The following SVIL variants were observed in gnomAD, a reference collection of about 807,000 sequenced individuals.
SVIL encodes the protein supervillin.
In SVIL, 101 loss-of-function variants were observed where a neutral mutation model predicts 240.4. The observed-to-expected ratio is 0.42, with a 90% CI of 0.36 to 0.50. SVIL has a LOEUF of 0.50. Among genes scored for constraint, SVIL ranks in the 20% least tolerant of loss-of-function variants. The pLI, the probability that SVIL is intolerant of heterozygous loss-of-function variation, is 0.01. For missense variants in SVIL, 2,512 were observed against 2,818.7 expected (o/e 0.89, Z 2.46); for synonymous variants, 999 against 1,100.0 (o/e 0.91, Z 1.82).
chr10:29,540,490 G>A (rs1589168414), intron 6 of SVIL, among the ~76,000 whole-genome samples: 1 of 152,286 alleles, frequency 6.6e-6, no homozygotes, highest in Middle Eastern at 3.4e-3. Context: ...GAGGTGCAAG[G>A]GAAAAAGGAC....
At chr10:29,470,514 T>C (rs1945443704) in intron 31 of SVIL, 31 bp from the exon 32 acceptor site, 1 of 1,612,480 alleles carries the variant, frequency 6.2e-7, no homozygotes, top group African/African-American at 1.3e-5. Flanking sequence ...GCGGAGGAGT[T>C]AGCACGTGAG....
At chr10:29,688,329 G>A (rs1033964869) in intron 1 of SVIL, among the ~76,000 whole-genome samples, 2 of 152,196 alleles carry the variant, frequency 1.3e-5, no homozygotes, top group African/African-American at 4.8e-5. Flanking sequence ...AACGTCAGAA[G>A]CCAAAGGTCA....
At chr10:29,506,703 C>A (rs61849286) in intron 17 of SVIL, among the ~76,000 whole-genome samples, 22,653 of 103,434 alleles carry the variant, frequency 0.22, 1,333 homozygotes, top group African/African-American at 0.25. Context: ...AGAGGCCCTA[C>A]GAGGGAGGGG....
At chr10:29,500,727 A>G (rs1174559550) in intron 17 of SVIL, among the ~76,000 whole-genome samples, 4 of 152,254 alleles carry the variant, frequency 2.6e-5, no homozygotes, top group African/African-American at 9.6e-5. Context: ...CCATGGATCA[A>G]TGTGATCCTA....
chr10:29,604,349 G>A (rs1363145332), intron 1 of SVIL, among the ~76,000 whole-genome samples: 1 of 132,026 alleles, frequency 7.6e-6, no homozygotes, highest in Non-Finnish European at 1.6e-5. Context: ...ACAGGCATGT[G>A]CCACCATGTC....
intron 36 of SVIL, 136 bp downstream of exon 36, chr10:29,462,141 G>T: frequency 1.7e-6 from 2 of 1,147,300 alleles, no homozygotes; most frequent in Non-Finnish European, 2.4e-6. Context: ...ATTCTATGTA[G>T]GTTTGTTAAG....
At chr10:29,496,356 A>C (rs1459764380) in intron 18 of SVIL, 1 of 453,402 alleles carries the variant, frequency 2.2e-6, no homozygotes, top group Non-Finnish European at 4.4e-6. Context: ...ATGATAAATA[A>C]AATCTGGTAT....
At chr10:29,520,556 A>C (rs752069474) in intron 16 of SVIL, among the ~76,000 whole-genome samples, 2 of 152,238 alleles carry the variant, frequency 1.3e-5, no homozygotes, top group Non-Finnish European at 2.9e-5. Flanking sequence ...TTAATTTGTC[A>C]GTTGAAAAAG....
intron 3 of SVIL, among the ~76,000 whole-genome samples, chr10:29,650,549 T>C (rs1589452245): frequency 1.3e-5 from 2 of 152,298 alleles, no homozygotes; most frequent in East Asian, 3.9e-4. Context: ...TTACCATAAA[T>C]ATGGTTGTAT....
chr10:29,642,307 G>T (rs554989452), intron 3 of SVIL, among the ~76,000 whole-genome samples: 1 of 151,962 alleles, frequency 6.6e-6, no homozygotes, highest in Non-Finnish European at 1.5e-5. Flanking sequence ...GCTGAGAAGC[G>T]CTTGAACCTG....
intron 2 of SVIL, among the ~76,000 whole-genome samples, chr10:29,659,320 T>C (rs1295980562): frequency 6.6e-6 from 1 of 152,202 alleles, no homozygotes; most frequent in East Asian, 1.9e-4. Flanking sequence ...GGAAGTCTTT[T>C]GTCTTAGGCT....
intron 22 of SVIL, among the ~76,000 whole-genome samples, chr10:29,490,572 A>G (rs10826646): frequency 0.47 from 69,575 of 148,672 alleles, 17,796 homozygotes; most frequent in African/African-American, 0.67. Flanking sequence ...AATATGATGA[A>G]ACCCCCAGTC....
At chr10:29,506,534 G>A (rs576319015) in intron 17 of SVIL, among the ~76,000 whole-genome samples, 1 of 152,304 alleles carries the variant, frequency 6.6e-6, no homozygotes, top group South Asian at 2.1e-4. Context: ...TGGTGCTGCT[G>A]GAGCAGGCCC....
At chr10:29,668,662 C>T (rs917708210) in intron 2 of SVIL, among the ~76,000 whole-genome samples, 5 of 152,020 alleles carry the variant, frequency 3.3e-5, no homozygotes, top group Non-Finnish European at 5.9e-5. Context: ...TTAGTAGAGA[C>T]GGAGTTTCAC....
chr10:29,471,722 T>G (rs6481595), intron 30 of SVIL, among the ~76,000 whole-genome samples: 40,977 of 152,072 alleles, frequency 0.27, 5,982 homozygotes, highest in East Asian at 0.54. Flanking sequence ...CCTGGCCTGT[T>G]AGAGAAGGCT....
intron 1 of SVIL, among the ~76,000 whole-genome samples, chr10:29,619,682 C>T (rs116037618): frequency 0.011 from 1,674 of 152,258 alleles, 39 homozygotes; most frequent in African/African-American, 0.038. Context: ...CCACAACTGC[C>T]AAATAATTAC....
intron 2 of SVIL, among the ~76,000 whole-genome samples, chr10:29,669,691 C>A (rs1411781552): frequency 1.3e-5 from 2 of 152,076 alleles, no homozygotes; most frequent in Non-Finnish European, 2.9e-5. Context: ...CAGACTGGGC[C>A]GCTGAGTGAA....
intron 1 of SVIL, among the ~76,000 whole-genome samples, chr10:29,626,925 G>A (rs1957895616): frequency 6.6e-6 from 1 of 152,170 alleles, no homozygotes; most frequent in Non-Finnish European, 1.5e-5. Flanking sequence ...TCAGGAGGCT[G>A]AGGCAGGAGA....
intron 16 of SVIL, among the ~76,000 whole-genome samples, chr10:29,518,898 A>C (rs1189904418): frequency 6.6e-6 from 1 of 152,222 alleles, no homozygotes; most frequent in Non-Finnish European, 1.5e-5. Flanking sequence ...GAGATCATGT[A>C]CAAAATGTGG....
Sources: allele counts gnomAD v4.1 joint callset (sites outside exome capture counted in the v4.1 genomes callset), GRCh38; gene constraint gnomAD v4.1.1; transcripts MANE v1.5; gene names NCBI Gene and HGNC (gene_info 2026-07-23, HGNC 2026-07-21).